RAD51B: variants seen among roughly 807,000 people sequenced by gnomAD.
The protein encoded by RAD51B is DNA repair protein RAD51 homolog 2.
RAD51B carries 38 observed loss-of-function variants against 42.2 expected under a neutral mutation model. The ratio of observed to expected loss-of-function variants is 0.90; its 90% CI spans 0.70 to 1.18. The LOEUF (loss-of-function observed/expected upper bound fraction) is 1.18. Ranked by LOEUF, RAD51B falls within the 50% of genes most tolerant of loss-of-function variation. RAD51B has a pLI of 0.00. For synonymous variants in RAD51B, 154 were observed against 145.2 expected, an observed-to-expected ratio of 1.06 and a Z score of -0.43; for missense variants, 373 against 400.7, an observed-to-expected ratio of 0.93 and a Z score of 0.59.
At chr14:68,507,726 G>A (rs555946164) in intron 10 of RAD51B, among the ~76,000 whole-genome samples, 1 of 152,272 alleles carries the variant, frequency 6.6e-6, no homozygotes, top group South Asian at 2.1e-4. Flanking sequence ...TTACCAAAGT[G>A]CCAGCATCAC....
intron 11 of RAD51B, among the ~76,000 whole-genome samples, chr14:68,677,866 G>A (rs778780370): frequency 1.3e-5 from 2 of 152,098 alleles, no homozygotes; most frequent in Non-Finnish European, 2.9e-5. Flanking sequence ...GATGCCATCC[G>A]AGTACACAGA....
chr14:67,983,087 ATACTAT>A (rs1286578833), intron 7 of RAD51B, among the ~76,000 whole-genome samples: 1 of 152,120 alleles, frequency 6.6e-6, no homozygotes, highest in Non-Finnish European at 1.5e-5. Flanking sequence ...AAACTGTCTA[ATACTAT>A]TACTACTGTA....
At chr14:68,615,074 T>C (rs1891797863), downstream of RAD51B, among the ~76,000 whole-genome samples, 1 of 152,206 alleles carries the variant, frequency 6.6e-6, no homozygotes, top group Non-Finnish European at 1.5e-5. Context: ...GATTTCACCA[T>C]GTTGGCCAAG....
At chr14:68,518,575 C>A (rs955887503) in intron 10 of RAD51B, among the ~76,000 whole-genome samples, 1 of 150,938 alleles carries the variant, frequency 6.6e-6, no homozygotes, top group African/African-American at 2.4e-5. Flanking sequence ...AGGCCTCCCC[C>A]ATCCACTTTC....
chr14:68,528,076 G>A (rs982904676), intron 10 of RAD51B, among the ~76,000 whole-genome samples: 4 of 152,010 alleles, frequency 2.6e-5, no homozygotes, highest in Non-Finnish European at 4.4e-5. Flanking sequence ...AACCACAGTC[G>A]TCCAACCTGT....
At chr14:67,982,354 T>G (rs1207459773) in intron 7 of RAD51B, among the ~76,000 whole-genome samples, 1 of 152,208 alleles carries the variant, frequency 6.6e-6, no homozygotes, top group Non-Finnish European at 1.5e-5. Context: ...GAAAGCAATA[T>G]TATTTAACAT....
rs530078593 is a variant in RAD51B, at chr14:68,205,596, GTTTTCTTTTC to G, written c.757-86273_757-86264del. Among the ~76,000 whole-genome samples the G allele has an allele frequency of 1.4e-3, 214 of 151,464 alleles. 6 individuals are homozygous for G. In the East Asian group the frequency reaches 0.033, roughly 23 times the overall value. On this transcript the variant is annotated intron_variant, in intron 7 of 10. Transcript: ENST00000471583. ...GGCTTTTTTGGTTGTTTTTTGTGTT[GTTTTCTTTTC>G]TTTTCTTTTCTTTTTTTTTTACTTT...
chr14:68,245,015 C>T (rs192286378), intron 7 of RAD51B, among the ~76,000 whole-genome samples: 8 of 152,310 alleles, frequency 5.3e-5, no homozygotes, highest in Non-Finnish European at 7.3e-5. Flanking sequence ...AATGCCGTAA[C>T]ACTAACTAGC....
chr14:68,611,288 A>T (rs1456095091), exon 11 of RAD51B: 1 of 700,522 alleles, frequency 1.4e-6, no homozygotes, highest in African/African-American at 1.7e-5. Context: ...ATCTACATTT[A>T]ACATCCGACA....
intron 7 of RAD51B, among the ~76,000 whole-genome samples, chr14:68,103,735 A>G (rs189790476): frequency 6.6e-6 from 1 of 152,346 alleles, no homozygotes; most frequent in East Asian, 1.9e-4. Context: ...AGAAGAAAAT[A>G]TATTCTTGAC....
chr14:68,426,543 G>T (rs76749003), intron 9 of RAD51B, among the ~76,000 whole-genome samples: 10 of 152,156 alleles, frequency 6.6e-5, no homozygotes, highest in African/African-American at 2.4e-4. Flanking sequence ...TAGGATATCT[G>T]GTAGAAGAAA....
chr14:68,434,638 C>T (rs760122932), intron 9 of RAD51B, among the ~76,000 whole-genome samples: 10 of 152,180 alleles, frequency 6.6e-5, no homozygotes, highest in Non-Finnish European at 1.0e-4. Context: ...CAGGTGCTGT[C>T]GGTCACAGCT....
chr14:68,400,113 A>G (rs2084055251), intron 8 of RAD51B, among the ~76,000 whole-genome samples: 1 of 152,178 alleles, frequency 6.6e-6, no homozygotes, highest in African/African-American at 2.4e-5. Context: ...GGCCTGGGCA[A>G]AGGACCCTCT....
At chr14:68,456,521 T>C (rs1435319696) in intron 9 of RAD51B, among the ~76,000 whole-genome samples, 1 of 152,146 alleles carries the variant, frequency 6.6e-6, no homozygotes, top group Non-Finnish European at 1.5e-5. Flanking sequence ...AAAGGATTGC[T>C]CCATCAGGAA....
At chr14:68,092,050 C>T (rs939107351) in intron 7 of RAD51B, among the ~76,000 whole-genome samples, 36 of 150,912 alleles carry the variant, frequency 2.4e-4, no homozygotes, top group Admixed American at 2.0e-3. Flanking sequence ...TCTGTTCCAT[C>T]GGTCTATATC....
At chr14:68,180,516 T>A (rs1447800823) in intron 7 of RAD51B, among the ~76,000 whole-genome samples, 1 of 152,148 alleles carries the variant, frequency 6.6e-6, no homozygotes, top group Non-Finnish European at 1.5e-5. Context: ...TTTACTACAT[T>A]TCAGGCACGA....
intron 10 of RAD51B, among the ~76,000 whole-genome samples, chr14:68,545,903 G>T (rs972323015): frequency 1.3e-5 from 2 of 152,146 alleles, no homozygotes; most frequent in East Asian, 1.9e-4. Context: ...AGCCTCTGAA[G>T]GTCTTTCTAC....
chr14:68,420,162 T>C (rs1382461337), intron 9 of RAD51B, among the ~76,000 whole-genome samples: 2 of 152,194 alleles, frequency 1.3e-5, no homozygotes, highest in Non-Finnish European at 2.9e-5. Context: ...GAAACCAAGT[T>C]TGTATAGTTC....
At chr14:68,006,302 T>C (rs759583007) in intron 7 of RAD51B, among the ~76,000 whole-genome samples, 15 of 152,238 alleles carry the variant, frequency 9.9e-5, no homozygotes, top group Non-Finnish European at 1.8e-4. Flanking sequence ...AGCTTCTCTA[T>C]GGGTATATTT....
Sources: allele counts gnomAD v4.1 joint callset (sites outside exome capture counted in the v4.1 genomes callset), GRCh38; gene constraint gnomAD v4.1.1; transcripts MANE v1.5; gene names NCBI Gene and HGNC (gene_info 2026-07-23, HGNC 2026-07-21).